The following DNAH8 variants were observed in gnomAD, a reference collection of about 807,000 sequenced individuals.
DNAH8 encodes dynein axonemal heavy chain 8, also known as axonemal beta dynein heavy chain 8.
A neutral mutation model predicts 562.1 loss-of-function variants in DNAH8; 382 were observed. The ratio of observed to expected loss-of-function variants is 0.68; its 90% CI spans 0.63 to 0.74. The LOEUF (loss-of-function observed/expected upper bound fraction) is 0.74, where lower values mean the gene tolerates loss of function less well. Among genes scored for constraint, DNAH8 ranks in the 30% least tolerant of loss-of-function variants. The pLI is 0.00. For synonymous variants in DNAH8, 1,881 were observed against 1,919.4 expected, an observed-to-expected ratio of 0.98 and a Z score of 0.52; for missense variants, 5,203 against 5,620.4, an observed-to-expected ratio of 0.93 and a Z score of 2.37.
chr6:38,720,556 G>A (rs542459405), intron 1 of DNAH8, among the ~76,000 whole-genome samples: 1 of 152,258 alleles, frequency 6.6e-6, no homozygotes, highest in East Asian at 1.9e-4. Context: ...CAGTGACCTA[G>A]TGAAAAACAA....
chr6:38,866,474 A>T lies in DNAH8; in HGVS notation c.6499-117A>T. 4.3e-6 allele frequency: 3 copies of T among 691,066 alleles called. No individual in the cohort carries two copies. The South Asian group carries it at 6.4e-5, about 15-fold the overall frequency. 42.8% of individuals were successfully genotyped at this position (691,066 alleles called of 1,614,324 possible). ...TGTTTTGAGAAAACAAGAGTATTTT[A>T]TGAATCTAATATTTTCAATACCATC... On this transcript the variant is annotated intron_variant, in intron 45 of 92. Transcript: ENST00000327475.
At chr6:38,986,724 G>A (rs772115903) in intron 87 of DNAH8, among the ~76,000 whole-genome samples, 9 of 152,238 alleles carry the variant, frequency 5.9e-5, no homozygotes, top group African/African-American at 1.9e-4. Context: ...GATCAAGTGC[G>A]TGGGTGAAAG....
chr6:38,810,340 C>G, intron 24 of DNAH8, among the ~76,000 whole-genome samples: 1 of 152,118 alleles, frequency 6.6e-6, no homozygotes, highest in East Asian at 1.9e-4. Context: ...CTCTGTAATC[C>G]CAGCACCATG....
Position 38,948,433 on chromosome 6 carries a change from G to T in DNAH8, c.12130-1019G>T, listed in dbSNP as rs186322116. The stretch of plus-strand genomic sequence containing the variant: ...GGCTCACAGCAACATCTGCCTCCTC[G>T]GTTCAAGTGATTCTCCTGCCTCAGC... On this transcript the variant is annotated intron_variant, in intron 80 of 92. Coordinates refer to ENST00000327475, the MANE Select transcript of DNAH8 (RefSeq NM_001206927.2). Among the ~76,000 whole-genome samples the T allele has an allele frequency of 3.2e-3, 487 of 151,988 alleles. 1 individual carries two copies. The highest frequency in any genetic ancestry group is 6.1e-3 in the Non-Finnish European group (417 of 67,978).
intron 23 of DNAH8, among the ~76,000 whole-genome samples, chr6:38,806,614 C>T (rs1205058988): frequency 6.6e-6 from 1 of 152,022 alleles, no homozygotes; most frequent in Non-Finnish European, 1.5e-5. Context: ...GCCTCTGCCT[C>T]GCAAATTCAT....
At chr6:38,801,205 C>A (rs750574403) in intron 21 of DNAH8, among the ~76,000 whole-genome samples, 1 of 152,012 alleles carries the variant, frequency 6.6e-6, no homozygotes, top group Non-Finnish European at 1.5e-5. Flanking sequence ...CGTCTATAAT[C>A]CATTTTGAGC....
chr6:38,760,291 T>C (rs1766359731), intron 10 of DNAH8, among the ~76,000 whole-genome samples: 1 of 152,196 alleles, frequency 6.6e-6, no homozygotes, highest in Non-Finnish European at 1.5e-5. Flanking sequence ...GACATCATTG[T>C]CTCCTGGGAA....
Position 38,722,856 on chromosome 6 carries a change from C to T in DNAH8, c.47C>T (p.Ala16Val), listed in dbSNP as rs754105184. Reference protein sequence around the residue: ...EDGAPSEGAEAPPSTEEAAPP... With the variant: ...EDGAPSEGAEVPPSTEEAAPP... ...GGCGCCCCTTCTGAGGGAGCAGAGG[C>T]TCCTCCCTCTACGGAAGAGGCTGCC... The change falls in exon 2 of 93, where the codon GCT becomes GTT. Residue 16 changes from alanine to valine, a missense_variant. Ala to Val is a moderately conservative substitution (Grantham distance 64). Transcript: ENST00000327475. 5.1e-5 allele frequency: 82 copies of T among 1,610,492 alleles called. No homozygotes were observed. The highest frequency in any genetic ancestry group is 6.6e-5 in the South Asian group (6 of 90,784).
At chr6:38,715,931 T>C (rs956045453) in intron 1 of DNAH8, among the ~76,000 whole-genome samples, 1 of 26,430 alleles carries the variant, frequency 3.8e-5, no homozygotes, top group Non-Finnish European at 6.8e-5. Flanking sequence ...AATAAATATA[T>C]ATATATATAT....
intron 91 of DNAH8, among the ~76,000 whole-genome samples, chr6:39,015,636 C>T (rs912937158): frequency 6.6e-6 from 1 of 152,232 alleles, no homozygotes; most frequent in Non-Finnish European, 1.5e-5. Context: ...CCATGCAGAA[C>T]TGAGTCCATT....
intron 31 of DNAH8, among the ~76,000 whole-genome samples, chr6:38,833,890 A>G (rs1366870104): frequency 6.6e-6 from 1 of 152,170 alleles, no homozygotes; most frequent in Non-Finnish European, 1.5e-5. Context: ...ATCATGATTG[A>G]CCATGTTAAT....
chr6:38,992,131 A>G (rs1056319233), intron 88 of DNAH8, among the ~76,000 whole-genome samples: 5 of 152,012 alleles, frequency 3.3e-5, no homozygotes, highest in Non-Finnish European at 5.9e-5. Flanking sequence ...ACGCCTGGCT[A>G]ATTTTTGTAT....
chr6:38,853,059 A>G (rs1775886141), intron 40 of DNAH8, 127 bp from the exon 41 acceptor site: 1 of 757,098 alleles, frequency 1.3e-6, no homozygotes, highest in Admixed American at 3.0e-5. Context: ...CATATTTAAA[A>G]TATTTTGTAT....
At chr6:38,970,870 G>T (rs905583430) in intron 82 of DNAH8, among the ~76,000 whole-genome samples, 3 of 152,192 alleles carry the variant, frequency 2.0e-5, no homozygotes, top group Non-Finnish European at 4.4e-5. Flanking sequence ...GCTAATTCAT[G>T]TGGGAGGTCA....
In DNAH8 at chr6:38,873,857, G is replaced by A. The variant is rs558037303; in HGVS notation, c.7620+481G>A. Reference sequence around the variant, plus strand: ...AAAAATAAATAAAGTTGGTAGCTTCGTGGGAAAGAACAGAAAGGGGCCTGT... The same window carrying A: ...AAAAATAAATAAAGTTGGTAGCTTCATGGGAAAGAACAGAAAGGGGCCTGT... On this transcript the variant is annotated intron_variant, in intron 52 of 92. Coordinates refer to ENST00000327475, the MANE Select transcript of DNAH8 (RefSeq NM_001206927.2). Among the ~76,000 whole-genome samples, 195 of 151,746 alleles carry A rather than the reference G, an allele frequency of 1.3e-3. 1 individual carries two copies. The highest frequency in any genetic ancestry group is 4.6e-3 in the African/African-American group (189 of 41,396).
intron 75 of DNAH8, among the ~76,000 whole-genome samples, chr6:38,930,047 T>TTA (rs1376301203): frequency 6.6e-5 from 10 of 152,254 alleles, no homozygotes. Flanking sequence ...TTTGCAAGCC[T>TTA]TATATATATA....
At position 38,938,833 on chromosome 6, in the gene DNAH8, C is replaced by T; in HGVS notation, c.11852C>T (p.Thr3951Ile). The T allele has an allele frequency of 1.9e-6, 3 of 1,611,638 alleles. No homozygotes were observed. Among genetic ancestry groups the T allele is most frequent in the East Asian group, 2.2e-5 (1 of 44,842 alleles). The change falls in exon 79 of 93, where the codon ACA becomes ATA. Residue 3951 changes from threonine (T) to isoleucine (I), a missense_variant. Physicochemically the swap from Thr to Ile is moderately conservative, Grantham distance 89 (BLOSUM62 -1). Transcript: ENST00000327475. ...EKSPLPQKRITNIIEYLTYEV... is the reference protein window; with the variant it reads ...EKSPLPQKRIINIIEYLTYEV... ...TCACCACTACCTCAAAAGAGAATTA[C>T]AAATATTATCGAGTACCTGACATAT... is the stretch of plus-strand genomic sequence containing the variant.
intron 4 of DNAH8, among the ~76,000 whole-genome samples, chr6:38,731,024 T>C (rs1416801092): frequency 2.6e-5 from 4 of 152,186 alleles, no homozygotes; most frequent in African/African-American, 9.7e-5. Context: ...GTAAATATAG[T>C]ACTTGATTGT....
chr6:38,952,323 G>A (rs965032137), intron 82 of DNAH8, among the ~76,000 whole-genome samples: 2 of 152,070 alleles, frequency 1.3e-5, no homozygotes, highest in African/African-American at 2.4e-5. Flanking sequence ...CATCTTGACA[G>A]GACTGAGCCA....
Sources: allele counts gnomAD v4.1 joint callset (sites outside exome capture counted in the v4.1 genomes callset), GRCh38; gene constraint gnomAD v4.1.1; transcripts MANE v1.5; gene names NCBI Gene and HGNC (gene_info 2026-07-23, HGNC 2026-07-21).